The following ATG4C variants were observed in gnomAD, a reference collection of about 807,000 sequenced individuals.
The protein encoded by ATG4C is autophagy related 4C cysteine peptidase, also known as cysteine protease ATG4C.
A neutral mutation model predicts 57.6 loss-of-function variants in ATG4C; 56 were observed. The observed-to-expected ratio is 0.97, with a 90% CI of 0.78 to 1.21. The LOEUF is 1.21. Among genes scored for constraint, ATG4C ranks in the 50% most tolerant of loss-of-function variants. The probability of loss-of-function intolerance (pLI) is 0.00; values close to 1 mark genes in which losing one functional copy is unlikely to be tolerated. For missense variants in ATG4C, 595 were observed against 529.8 expected, an observed-to-expected ratio of 1.12 and a Z score of -1.21; for synonymous variants, 157 against 174.1, an observed-to-expected ratio of 0.90 and a Z score of 0.78.
intron 10 of ATG4C, among the ~76,000 whole-genome samples, chr1:62,859,891 C>T (rs1303911079): frequency 6.6e-6 from 1 of 152,034 alleles, no homozygotes; most frequent in Admixed American, 6.6e-5. Context: ...GATGGGGTTT[C>T]ACCATCTTAC....
intron 10 of ATG4C, among the ~76,000 whole-genome samples, chr1:62,853,280 A>T (rs1666575824): frequency 1.3e-5 from 2 of 152,082 alleles, no homozygotes; most frequent in African/African-American, 4.8e-5. Context: ...CCATCACCTA[A>T]TTGCTGTGTA....
At chr1:62,804,602 C>T (rs960750695) in intron 2 of ATG4C, among the ~76,000 whole-genome samples, 2 of 152,132 alleles carry the variant, frequency 1.3e-5, no homozygotes, top group African/African-American at 4.8e-5. Context: ...AGTTCGTGCA[C>T]TGATACCTCT....
intron 10 of ATG4C, among the ~76,000 whole-genome samples, chr1:62,846,411 T>A (rs1666326571): frequency 6.6e-6 from 1 of 152,230 alleles, no homozygotes; most frequent in African/African-American, 2.4e-5. Flanking sequence ...GATATCTTCT[T>A]TATCTTGATG....
intron 1 of ATG4C, among the ~76,000 whole-genome samples, chr1:62,789,660 A>G: frequency 6.6e-6 from 1 of 150,666 alleles, no homozygotes; most frequent in East Asian, 2.0e-4. Context: ...AAAAAATAAA[A>G]AAACAAATGA....
intron 6 of ATG4C, among the ~76,000 whole-genome samples, chr1:62,823,467 G>A (rs1052408150): frequency 1.3e-5 from 2 of 152,038 alleles, no homozygotes; most frequent in Admixed American, 6.6e-5. Flanking sequence ...CTTCATTCTC[G>A]TTGATTTAGA....
intron 1 of ATG4C, 23 bp from the exon 2 acceptor site, chr1:62,803,696 A>AT (rs1439354350): frequency 2.4e-6 from 2 of 829,058 alleles, no homozygotes; most frequent in African/African-American, 1.8e-5. Context: ...GTAATTACTG[A>AT]TTTTTTTCCT....
At chr1:62,848,378 G>C (rs1666392348) in intron 10 of ATG4C, among the ~76,000 whole-genome samples, 1 of 152,050 alleles carries the variant, frequency 6.6e-6, no homozygotes. Context: ...TACCCTTTCT[G>C]ATGCCCTTCA....
chr1:62,811,963 C>A (rs931958637), intron 3 of ATG4C, among the ~76,000 whole-genome samples: 1 of 152,024 alleles, frequency 6.6e-6, no homozygotes, highest in Non-Finnish European at 1.5e-5. Context: ...TTCTGGGAAC[C>A]TATTGACAAC....
At chr1:62,824,669 C>T (rs183008590) in intron 6 of ATG4C, among the ~76,000 whole-genome samples, 5 of 135,472 alleles carry the variant, frequency 3.7e-5, no homozygotes, top group African/African-American at 5.5e-5. Context: ...CTCTCTCTCT[C>T]TTTTTTTTTT....
At chr1:62,844,836 G>GAT (rs1666280544) in intron 10 of ATG4C, among the ~76,000 whole-genome samples, 1 of 151,786 alleles carries the variant, frequency 6.6e-6, no homozygotes. Context: ...TATATAAAGA[G>GAT]ATATATATTC....
intron 7 of ATG4C, among the ~76,000 whole-genome samples, chr1:62,831,831 C>T (rs1162550665): frequency 3.9e-5 from 6 of 152,190 alleles, no homozygotes; most frequent in South Asian, 2.1e-4. Context: ...TGCTCTAATG[C>T]GTTGCAAGGG....
At position 62,826,066 on chromosome 1, in the gene ATG4C, C is replaced by T. The variant is rs185548046; in HGVS notation, c.797-2974C>T. ...GGGATTACAGGTGCCTGCCACCATG[C>T]CCGGCTAATTTTTTGTATTTTTAGT... On this transcript the variant is annotated intron_variant, in intron 6 of 10. Transcript: ENST00000317868. 1.5e-4 allele frequency among the ~76,000 whole-genome samples: 23 copies of T among 152,090 alleles called. 1 individual carries two copies. In the East Asian group the frequency reaches 2.1e-3, roughly 14 times the overall value.
intron 3 of ATG4C, among the ~76,000 whole-genome samples, chr1:62,812,570 A>T (rs1296081101): frequency 6.6e-6 from 1 of 152,212 alleles, no homozygotes; most frequent in African/African-American, 2.4e-5. Context: ...CAAGACAAGG[A>T]TGCCCTATCT....
chr1:62,830,519 C>G (rs192160664), intron 7 of ATG4C, among the ~76,000 whole-genome samples: 197 of 152,184 alleles, frequency 1.3e-3, no homozygotes, highest in African/African-American at 4.5e-3. Context: ...TGGCTGAGGA[C>G]TTTGCTATTT....
At chr1:62,857,015 A>G (rs960694624) in intron 10 of ATG4C, among the ~76,000 whole-genome samples, 3 of 151,960 alleles carry the variant, frequency 2.0e-5, no homozygotes, top group Non-Finnish European at 4.4e-5. Flanking sequence ...TGAACATGCA[A>G]AGTTTGCTGG....
chr1:62,845,227 G>A (rs1014189326), intron 10 of ATG4C, among the ~76,000 whole-genome samples: 13 of 151,768 alleles, frequency 8.6e-5, no homozygotes, highest in African/African-American at 3.1e-4. Flanking sequence ...CAGTATATAA[G>A]AATTTCTTAA....
At chr1:62,804,069 AC>A (rs1222883118) in intron 2 of ATG4C, among the ~76,000 whole-genome samples, 1 of 151,096 alleles carries the variant, frequency 6.6e-6, no homozygotes, top group Non-Finnish European at 1.5e-5. Context: ...ACTCAAGCAT[AC>A]GATGTGGTCT....
intron 9 of ATG4C, among the ~76,000 whole-genome samples, chr1:62,835,234 A>G (rs1406052270): frequency 6.6e-6 from 1 of 151,794 alleles, no homozygotes; most frequent in Non-Finnish European, 1.5e-5. Context: ...TTAGAGTAAC[A>G]AAGCGACTTA....
chr1:62,842,957 A>C (rs1283571189), intron 10 of ATG4C, among the ~76,000 whole-genome samples: 1 of 152,218 alleles, frequency 6.6e-6, no homozygotes, highest in East Asian at 1.9e-4. Flanking sequence ...ACAAAGTATC[A>C]TGTATATGCT....
Sources: gnomAD v4.1 joint callset for allele counts (sites outside exome capture counted in the v4.1 genomes callset) on GRCh38, gnomAD v4.1.1 for gene constraint, MANE v1.5 for transcripts, NCBI Gene and HGNC (gene_info 2026-07-23, HGNC 2026-07-21) for gene names.